Variants in PLXNA4 observed in about 807,000 individuals in gnomAD.
The protein encoded by PLXNA4 is plexin-A4.
PLXNA4 carries 44 observed loss-of-function variants against 191.8 expected under a neutral mutation model. That is an observed-to-expected ratio of 0.23 (90% confidence interval 0.18 to 0.29). The LOEUF is 0.29. Ranked by LOEUF, PLXNA4 falls within the 10% of genes least tolerant of loss-of-function variation. The pLI is 1.00. For missense variants in PLXNA4, 1,800 were observed against 2,488.8 expected (o/e 0.72, Z 5.89); for synonymous variants, 1,082 against 1,009.5 (o/e 1.07, Z -1.36).
chr7:132,194,243 C>T, intron 13 of PLXNA4, 64 bp from the exon 14 acceptor site: 3 of 1,548,510 alleles, frequency 1.9e-6, no homozygotes, highest in South Asian at 1.2e-5. Context: ...CTGCACCCCA[C>T]AGCACCTACC....
At chr7:132,462,107 T>TA (rs900817715) in intron 3 of PLXNA4, among the ~76,000 whole-genome samples, 2 of 152,192 alleles carry the variant, frequency 1.3e-5, no homozygotes, top group African/African-American at 4.8e-5. Context: ...ATACAGGTCT[T>TA]AAAACCTAGA....
chr7:132,207,580 A>G (rs1340473361), intron 10 of PLXNA4, among the ~76,000 whole-genome samples: 1 of 152,226 alleles, frequency 6.6e-6, no homozygotes, highest in Non-Finnish European at 1.5e-5. Flanking sequence ...CATTGGCTCA[A>G]GGCCTGTCCC....
At chr7:132,278,918 G>A (rs570732454) in intron 4 of PLXNA4, among the ~76,000 whole-genome samples, 7 of 152,120 alleles carry the variant, frequency 4.6e-5, no homozygotes, top group Non-Finnish European at 8.8e-5. Flanking sequence ...ACTTTCACAC[G>A]TCAGGGCTTC....
At chr7:132,357,841 T>C (rs1048488275) in intron 3 of PLXNA4, among the ~76,000 whole-genome samples, 1 of 152,224 alleles carries the variant, frequency 6.6e-6, no homozygotes, top group African/African-American at 2.4e-5. Context: ...CACCTGGTGG[T>C]CTTAGAACTC....
intron 10 of PLXNA4, among the ~76,000 whole-genome samples, chr7:132,203,851 G>T (rs987438708): frequency 3.3e-5 from 5 of 152,220 alleles, no homozygotes; most frequent in African/African-American, 1.2e-4. Context: ...TCTGCAATTA[G>T]ATTGGGGAAC....
intron 2 of PLXNA4, among the ~76,000 whole-genome samples, chr7:132,584,875 C>A (rs1442216088): frequency 6.6e-6 from 1 of 152,198 alleles, no homozygotes; most frequent in Non-Finnish European, 1.5e-5. Context: ...ATCTTTGTCA[C>A]ACCGCCAGTC....
intron 4 of PLXNA4, among the ~76,000 whole-genome samples, chr7:132,270,153 G>A (rs1477242096): frequency 6.6e-6 from 1 of 152,064 alleles, no homozygotes; most frequent in East Asian, 1.9e-4. Context: ...TTTTTATTTT[G>A]CCATAAAATA....
intron 1 of PLXNA4, among the ~76,000 whole-genome samples, chr7:132,558,675 G>T (rs1447087783): frequency 6.6e-6 from 1 of 152,150 alleles, no homozygotes; most frequent in Admixed American, 6.5e-5. Context: ...CCAACAATCG[G>T]CCTGGGGCCA....
chr7:132,191,927 G>T (rs1403327400), intron 14 of PLXNA4, among the ~76,000 whole-genome samples: 1 of 151,812 alleles, frequency 6.6e-6, no homozygotes, highest in Non-Finnish European at 1.5e-5. Context: ...GGTTCACCTT[G>T]GAAATTCCCT....
intron 3 of PLXNA4, among the ~76,000 whole-genome samples, chr7:132,332,981 T>C (rs1802654451): frequency 6.6e-6 from 1 of 152,190 alleles, no homozygotes; most frequent in African/African-American, 2.4e-5. Context: ...TCTCTCTTAC[T>C]CTTTCTTGCT....
chr7:132,208,695 G>A (rs983529321), intron 10 of PLXNA4, among the ~76,000 whole-genome samples: 2 of 152,226 alleles, frequency 1.3e-5, no homozygotes, highest in Admixed American at 6.5e-5. Context: ...GAGGAGCTAT[G>A]TCACTTGCTG....
chr7:132,276,652 C>T (rs1193759875), intron 4 of PLXNA4, among the ~76,000 whole-genome samples: 1 of 152,156 alleles, frequency 6.6e-6, no homozygotes, highest in East Asian at 1.9e-4. Context: ...TCTGGTTAGC[C>T]CTGTTATTAT....
At chr7:132,616,354 G>T (rs954332367) in intron 2 of PLXNA4, among the ~76,000 whole-genome samples, 1 of 152,176 alleles carries the variant, frequency 6.6e-6, no homozygotes, top group African/African-American at 2.4e-5. Context: ...GATCCTAAAA[G>T]CTTCTGCAAA....
chr7:132,127,150 A>G lies in PLXNA4; in HGVS notation c.*3329T>C, dbSNP rs1794791270. The G allele has an allele frequency of 6.6e-6, 1 of 152,140 alleles. No individual in the cohort carries two copies. Among genetic ancestry groups the G allele is most frequent in the South Asian group, 2.1e-4 (1 of 4,830 alleles). 9.4% of individuals were successfully genotyped at this position (152,140 alleles called of 1,614,324 possible). Reference sequence around the variant, plus strand: ...TACCTTAAGCCCTTCTCTCTCCAACATGCAAAAAAAATTCCCACCTAAACT... The same window carrying G: ...TACCTTAAGCCCTTCTCTCTCCAACGTGCAAAAAAAATTCCCACCTAAACT... On this transcript the variant is annotated 3_prime_UTR_variant, in exon 32 of 32. Transcript: ENST00000321063.
chr7:132,344,469 G>A (rs955799832), intron 3 of PLXNA4, among the ~76,000 whole-genome samples: 1 of 152,176 alleles, frequency 6.6e-6, no homozygotes, highest in African/African-American at 2.4e-5. Context: ...TGCAGAGCAG[G>A]TGTGGGGTCT....
At chr7:132,211,621 C>T (rs984706571) in intron 9 of PLXNA4, among the ~76,000 whole-genome samples, 8 of 152,200 alleles carry the variant, frequency 5.3e-5, no homozygotes, top group African/African-American at 9.7e-5. Flanking sequence ...TCTTGACTGC[C>T]GCAGGGAGGC....
chr7:132,480,568 C>A (rs1797296123), intron 3 of PLXNA4, among the ~76,000 whole-genome samples: 1 of 146,718 alleles, frequency 6.8e-6, no homozygotes, highest in Non-Finnish European at 1.5e-5. Context: ...AAAGATGGGC[C>A]CAGTCTGTCA....
intron 2 of PLXNA4, among the ~76,000 whole-genome samples, chr7:132,612,285 A>C (rs1803063746): frequency 2.0e-5 from 3 of 152,206 alleles, no homozygotes. Flanking sequence ...GGCTTCTTTT[A>C]CTAAGAATGG....
At chr7:132,544,285 C>T (rs1800202076) in intron 1 of PLXNA4, among the ~76,000 whole-genome samples, 1 of 152,200 alleles carries the variant, frequency 6.6e-6, no homozygotes, top group African/African-American at 2.4e-5. Flanking sequence ...GAGATGATTT[C>T]ATATGAGAAT....
Sources: gnomAD v4.1 joint callset for allele counts (sites outside exome capture counted in the v4.1 genomes callset) on GRCh38, gnomAD v4.1.1 for gene constraint, MANE v1.5 for transcripts, NCBI Gene and HGNC (gene_info 2026-07-23, HGNC 2026-07-21) for gene names.